ZFPM2: variants seen among roughly 807,000 people sequenced by gnomAD.
ZFPM2 encodes zinc finger protein ZFPM2.
A neutral mutation model predicts 98.6 loss-of-function variants in ZFPM2; 20 were observed. The ratio of observed to expected loss-of-function variants is 0.20; its 90% CI spans 0.14 to 0.29. The LOEUF is 0.29. ZFPM2 is among the 10% of genes least tolerant of loss of function. ZFPM2 has a pLI of 1.00. For missense variants in ZFPM2, 1,310 were observed against 1,388.6 expected (o/e 0.94, Z 0.90); for synonymous variants, 518 against 502.7 (o/e 1.03, Z -0.41).
At chr8:105,552,811 T>TC (rs1015418397) in intron 3 of ZFPM2, among the ~76,000 whole-genome samples, 4 of 148,570 alleles carry the variant, frequency 2.7e-5, no homozygotes, top group Non-Finnish European at 5.9e-5. Flanking sequence ...TTTCAGATGT[T>TC]CTTTTTTTTT....
chr8:105,511,646 A>T (rs1271582771), intron 3 of ZFPM2, among the ~76,000 whole-genome samples: 1 of 152,240 alleles, frequency 6.6e-6, no homozygotes, highest in Non-Finnish European at 1.5e-5. Context: ...GAATTGTTTT[A>T]GTTGGTATAA....
intron 5 of ZFPM2, among the ~76,000 whole-genome samples, chr8:105,681,608 G>A (rs1586194670): frequency 6.6e-6 from 1 of 152,132 alleles, no homozygotes; most frequent in East Asian, 1.9e-4. Context: ...TCTGAAAGTA[G>A]GAAGAGTAAT....
intron 3 of ZFPM2, among the ~76,000 whole-genome samples, chr8:105,448,013 A>G (rs755012310): frequency 3.9e-5 from 6 of 152,084 alleles, no homozygotes; most frequent in Non-Finnish European, 5.9e-5. Context: ...AAACATTTCT[A>G]TGGTGAAATT....
intron 1 of ZFPM2, among the ~76,000 whole-genome samples, chr8:105,332,605 A>G (rs1452367177): frequency 6.6e-6 from 1 of 151,688 alleles, no homozygotes; most frequent in Non-Finnish European, 1.5e-5. Flanking sequence ...GGGCAAATAC[A>G]GACCATGGTC....
At chr8:105,616,970 T>C (rs909386831) in intron 4 of ZFPM2, among the ~76,000 whole-genome samples, 2 of 122,476 alleles carry the variant, frequency 1.6e-5, no homozygotes, top group African/African-American at 6.3e-5. Flanking sequence ...GTGAGCAAGA[T>C]CATGCCCCTG....
chr8:105,631,630 G>A (rs373031914), intron 4 of ZFPM2, among the ~76,000 whole-genome samples: 3 of 152,258 alleles, frequency 2.0e-5, no homozygotes, highest in East Asian at 3.9e-4. Flanking sequence ...ATTGATACAT[G>A]TCTTAGCACT....
chr8:105,341,136 G>C (rs559098435), intron 1 of ZFPM2, among the ~76,000 whole-genome samples: 148 of 152,036 alleles, frequency 9.7e-4, no homozygotes, highest in African/African-American at 3.4e-3. Context: ...GTTAAGTTGG[G>C]ATAATGTAGT....
intron 3 of ZFPM2, among the ~76,000 whole-genome samples, chr8:105,543,649 T>G (rs1226080782): frequency 6.6e-6 from 1 of 152,210 alleles, no homozygotes; most frequent in African/African-American, 2.4e-5. Context: ...CTTTCATTTA[T>G]TACTTTCATG....
At chr8:105,466,886 A>T (rs1812805701) in intron 3 of ZFPM2, among the ~76,000 whole-genome samples, 1 of 152,040 alleles carries the variant, frequency 6.6e-6, no homozygotes, top group Non-Finnish European at 1.5e-5. Flanking sequence ...GGGTGGAAAA[A>T]GCCTAAAATT....
At chr8:105,551,159 A>AAT (rs1192814051) in intron 3 of ZFPM2, among the ~76,000 whole-genome samples, 4 of 152,210 alleles carry the variant, frequency 2.6e-5, no homozygotes, top group Admixed American at 2.0e-4. Context: ...AAAGTAAATA[A>AAT]ATATATAGTA....
intron 5 of ZFPM2, among the ~76,000 whole-genome samples, chr8:105,769,264 C>A (rs778963415): frequency 3.9e-5 from 6 of 152,090 alleles, no homozygotes; most frequent in Non-Finnish European, 7.4e-5. Flanking sequence ...TCTTGCATTT[C>A]TGCTGAGCTA....
intron 1 of ZFPM2, among the ~76,000 whole-genome samples, chr8:105,416,081 C>T (rs1270166870): frequency 6.6e-6 from 1 of 151,578 alleles, no homozygotes; most frequent in Non-Finnish European, 1.5e-5. Context: ...TAAAACAACC[C>T]TGGAATAGAT....
intron 1 of ZFPM2, among the ~76,000 whole-genome samples, chr8:105,351,409 T>C (rs1812643781): frequency 6.7e-6 from 1 of 149,646 alleles, no homozygotes; most frequent in South Asian, 2.1e-4. Context: ...ATGTAAATAT[T>C]TCCAATCCAT....
intron 5 of ZFPM2, among the ~76,000 whole-genome samples, chr8:105,745,052 C>A (rs1304730678): frequency 6.6e-6 from 1 of 152,164 alleles, no homozygotes; most frequent in Non-Finnish European, 1.5e-5. Context: ...AGCTCTTCTT[C>A]TCATATCCAA....
chr8:105,392,790 G>A (rs1811134329), intron 1 of ZFPM2, among the ~76,000 whole-genome samples: 1 of 152,140 alleles, frequency 6.6e-6, no homozygotes, highest in Non-Finnish European at 1.5e-5. Context: ...CAAGCAAATT[G>A]CTTCACCCCT....
chr8:105,477,208 CAGT>C, intron 3 of ZFPM2, among the ~76,000 whole-genome samples: 1 of 142,376 alleles, frequency 7.0e-6, no homozygotes, highest in Admixed American at 7.0e-5. Context: ...GAAATAATTT[CAGT>C]TAAGTGATTT....
chr8:105,569,400 C>T (rs1016133646), intron 4 of ZFPM2, among the ~76,000 whole-genome samples: 5 of 152,260 alleles, frequency 3.3e-5, no homozygotes, highest in Non-Finnish European at 4.4e-5. Flanking sequence ...ATGTCTGTTT[C>T]GTCTGTGATC....
intron 2 of ZFPM2, among the ~76,000 whole-genome samples, chr8:105,443,058 C>T (rs1378694699): frequency 1.3e-5 from 2 of 151,962 alleles, no homozygotes; most frequent in South Asian, 2.1e-4. Context: ...CCTGTAATCC[C>T]AGCACTGTGG....
rs115009326 is a variant in ZFPM2 at position 105,576,136 on chromosome 8, G to T, written c.420+14655G>T. Among the ~76,000 whole-genome samples the T allele has an allele frequency of 3.4e-3, 519 of 152,228 alleles. 3 individuals are homozygous for T. Among genetic ancestry groups the T allele is most frequent in the African/African-American group, 0.012 (483 of 41,554 alleles). On this transcript the variant is annotated intron_variant, in intron 4 of 7. Coordinates refer to ENST00000407775, the MANE Select transcript of ZFPM2 (RefSeq NM_012082.4). ...AAATAAAAAGACAGCTAAAGCTCCA[G>T]CAAAATAGAACCACTATCTTACAGC...
Sources: gnomAD v4.1 joint callset for allele counts (sites outside exome capture counted in the v4.1 genomes callset) on GRCh38, gnomAD v4.1.1 for gene constraint, MANE v1.5 for transcripts, NCBI Gene and HGNC (gene_info 2026-07-23, HGNC 2026-07-21) for gene names.